Variants in PIGN observed in about 807,000 individuals in gnomAD.
PIGN encodes GPI ethanolamine phosphate transferase 1.
A neutral mutation model predicts 125.4 loss-of-function variants in PIGN; 117 were observed. That is an observed-to-expected ratio of 0.93 (90% confidence interval 0.80 to 1.09). The LOEUF (loss-of-function observed/expected upper bound fraction) is 1.09, where lower values mean the gene tolerates loss of function less well. Among genes scored for constraint, PIGN ranks in the 50% least tolerant of loss-of-function variants. The pLI is 0.00. For synonymous variants in PIGN, 392 were observed against 377.8 expected (o/e 1.04, Z -0.44); for missense variants, 1,075 against 1,094.9 (o/e 0.98, Z 0.26).
chr18:62,027,456 A>G (rs1278116385), intron 23 of PIGN, among the ~76,000 whole-genome samples: 2 of 152,208 alleles, frequency 1.3e-5, no homozygotes, highest in Admixed American at 1.3e-4. Context: ...ACCAATCAAG[A>G]TATGTAAGAT....
At chr18:62,116,909 C>T (rs1348561618) in intron 14 of PIGN, among the ~76,000 whole-genome samples, 1 of 151,910 alleles carries the variant, frequency 6.6e-6, no homozygotes. Flanking sequence ...ATTTAACAGA[C>T]ATTCTGTTAA....
Position 62,090,521 on chromosome 18 carries a change from T to G in PIGN, c.2238A>C (p.Ile746=). ...CAGATTGTTGTAGAGTTTCTTGTTC[T>G]ATGTTTATCCAGACAAACATCAAAC... ...LSCLMFVWIN[I]EQETLQQSGV... is the part of the protein sequence containing the mutation. The change falls in exon 24 of 31, where the codon ATA becomes ATC. Residue 746 remains isoleucine, a synonymous_variant. Coordinates refer to ENST00000640252, the MANE Select transcript of PIGN (RefSeq NM_176787.5). 6.2e-7 allele frequency: 1 copy of G among 1,611,242 alleles called. No homozygotes were observed. The highest frequency in any genetic ancestry group is 1.1e-5 in the South Asian group (1 of 90,570).
At position 62,143,305 on chromosome 18, in the gene PIGN, C is replaced by A. The variant is rs1568224018; in HGVS notation, c.963+1G>T. 1 of 1,490,638 alleles carries A rather than the reference C, an allele frequency of 6.7e-7. No individual in the cohort carries two copies. The highest frequency in any genetic ancestry group is 9.2e-7 in the Non-Finnish European group (1 of 1,082,642). The allele number at this position is 1,490,638 out of a possible 1,614,324, so 92.3% of individuals were successfully genotyped here. Reference sequence around the variant, plus strand: ...GAATGTAATAAAATCGAACTGGATACCTGATTGACATCTAGCCTCTTCCAA... The same window carrying A: ...GAATGTAATAAAATCGAACTGGATAACTGATTGACATCTAGCCTCTTCCAA... On this transcript the variant is annotated splice_donor_variant, in intron 11 of 30. Coordinates refer to ENST00000640252, the MANE Select transcript of PIGN (RefSeq NM_176787.5). LOFTEE classifies it high-confidence loss of function.
intron 14 of PIGN, among the ~76,000 whole-genome samples, chr18:62,122,138 A>T (rs1299892487): frequency 6.6e-6 from 1 of 152,172 alleles, no homozygotes; most frequent in African/African-American, 2.4e-5. Context: ...GAGCAGTAGG[A>T]TGACTATGGT....
chr18:62,026,341 G>A (rs12454489), intron 23 of PIGN, among the ~76,000 whole-genome samples: 50,823 of 151,738 alleles, frequency 0.33, 9,216 homozygotes, highest in East Asian at 0.46. Flanking sequence ...AAAAAAGAAC[G>A]GAGCAACCAA....
chr18:62,185,635 T>G (rs960567408), intron 1 of PIGN, among the ~76,000 whole-genome samples: 1 of 30,734 alleles, frequency 3.3e-5, no homozygotes, highest in South Asian at 1.3e-3. Flanking sequence ...GTGGAATGTT[T>G]ACTACACACT....
chr18:62,111,145 A>G (rs1860430852), intron 16 of PIGN, among the ~76,000 whole-genome samples: 1 of 152,076 alleles, frequency 6.6e-6, no homozygotes, highest in South Asian at 2.1e-4. Flanking sequence ...TCTGTCATTT[A>G]AAACCCATGT....
chr18:62,160,522 G>A (rs182574852), intron 4 of PIGN, among the ~76,000 whole-genome samples: 2 of 141,504 alleles, frequency 1.4e-5, no homozygotes, highest in Admixed American at 1.4e-4. Context: ...CTTTTTTTTT[G>A]TTTTTTTTTT....
intron 23 of PIGN, among the ~76,000 whole-genome samples, chr18:62,018,216 A>G (rs1159619142): frequency 6.6e-5 from 10 of 152,204 alleles, no homozygotes; most frequent in Admixed American, 6.5e-4. Flanking sequence ...AAGCTTCACA[A>G]AAGAATCTGT....
rs558614082 is a variant in PIGN, at chr18:62,023,596, T to G, written c.2143-5855A>C. On this transcript the variant is annotated intron_variant, in intron 23 of 24. Coordinates refer to the PIGN transcript ENST00000639600. ...TATCAACAGTTCCACCATGAACTAT[T>G]TCTTCTGTAACTCAATTTACATTTG... Among the ~76,000 whole-genome samples, 10 of 152,362 alleles carry G rather than the reference T, an allele frequency of 6.6e-5. No individual in the cohort carries two copies. In the East Asian group the frequency reaches 1.9e-3, roughly 29 times the overall value.
intron 23 of PIGN, 73 bp downstream of exon 23, chr18:62,095,775 T>C (rs1422648606): frequency 6.3e-6 from 5 of 798,254 alleles, no homozygotes; most frequent in Non-Finnish European, 1.1e-5. Context: ...AGAAGTTAAA[T>C]ACTAATAGAG....
chr18:62,020,916 G>A (rs1293852064), intron 23 of PIGN, among the ~76,000 whole-genome samples: 1 of 150,244 alleles, frequency 6.7e-6, no homozygotes, highest in Non-Finnish European at 1.5e-5. Context: ...AGCCGAGATC[G>A]CGCCATTGCA....
chr18:62,072,830 T>A, intron 29 of PIGN, 105 bp from the exon 30 acceptor site: 2 of 757,700 alleles, frequency 2.6e-6, no homozygotes, highest in Non-Finnish European at 4.2e-6. Flanking sequence ...ACTCTAAGAA[T>A]CACTATCTGA....
intron 29 of PIGN, 141 bp from the exon 30 acceptor site, chr18:62,072,866 T>C (rs1599453731): frequency 1.8e-6 from 1 of 555,286 alleles, no homozygotes; most frequent in East Asian, 3.0e-5. Context: ...ATATGTCATT[T>C]ACTGAAACTT....
Position 62,062,155 on chromosome 18 carries a change from C to A in PIGN, c.2672+10518G>T, listed in dbSNP as rs78559913. On this transcript the variant is annotated intron_variant, in intron 30 of 30. Transcript: ENST00000640252. ...TTCCATTTAGAAAGCCTAACTTCAC[C>A]AACTCAGATTTCATTTTGGCCTCTC... is the stretch of plus-strand genomic sequence containing the variant. Among the ~76,000 whole-genome samples the A allele has an allele frequency of 9.6e-3, 1,462 of 152,216 alleles. 45 individuals are homozygous for A. Among genetic ancestry groups the A allele is most frequent in the East Asian group, 0.069 (355 of 5,172 alleles).
chr18:62,134,747 T>C (rs1323775890), intron 14 of PIGN, among the ~76,000 whole-genome samples: 1 of 152,252 alleles, frequency 6.6e-6, no homozygotes, highest in East Asian at 1.9e-4. Context: ...TTGATCCACA[T>C]GACAATGTTC....
At chr18:62,162,425 C>G (rs2036987353) in intron 2 of PIGN, 96 bp from the exon 3 acceptor site, 1 of 151,916 alleles carries the variant, frequency 6.6e-6, no homozygotes. Flanking sequence ...TGAAAAACAC[C>G]AAGGATGAGG....
At chr18:62,069,594 G>A (rs2032722797) in intron 30 of PIGN, 2 of 152,202 alleles carry the variant, frequency 1.3e-5, no homozygotes. Context: ...TCAGTTGCAA[G>A]AAAGACAAAT....
chr18:62,143,119 T>C (rs373893934), intron 11 of PIGN, among the ~76,000 whole-genome samples, 187 bp downstream of exon 11: 15 of 152,358 alleles, frequency 9.8e-5, no homozygotes, highest in African/African-American at 3.4e-4. Flanking sequence ...CTTCAAGTTT[T>C]GTTTGTTTTG....
Sources: gnomAD v4.1 joint callset for allele counts (sites outside exome capture counted in the v4.1 genomes callset) on GRCh38, gnomAD v4.1.1 for gene constraint, MANE v1.5 for transcripts, NCBI Gene and HGNC (gene_info 2026-07-23, HGNC 2026-07-21) for gene names.